RBFOX1: variants seen among roughly 807,000 people sequenced by gnomAD.
RBFOX1 encodes RNA binding fox-1 homolog 1, also known as RNA binding protein fox-1 homolog 1.
RBFOX1 carries 8 observed loss-of-function variants against 57.7 expected under a neutral mutation model. The observed-to-expected ratio is 0.14, with a 90% confidence interval of 0.08 to 0.25. The LOEUF (loss-of-function observed/expected upper bound fraction) is 0.25. Among genes scored for constraint, RBFOX1 ranks in the 10% least tolerant of loss-of-function variants. RBFOX1 has a pLI of 1.00. For synonymous variants in RBFOX1, 326 were observed against 222.4 expected (o/e 1.47, Z -4.15); for missense variants, 611 against 548.5 (o/e 1.11, Z -1.14).
At chr16:5,503,007 A>G (rs1251834209) in intron 2 of RBFOX1, among the ~76,000 whole-genome samples, 1 of 152,170 alleles carries the variant, frequency 6.6e-6, no homozygotes, top group Non-Finnish European at 1.5e-5. Flanking sequence ...CTCCTAAAAT[A>G]TTTCCTCTTT....
At chr16:7,134,566 A>G (rs150990578) in intron 4 of RBFOX1, among the ~76,000 whole-genome samples, 7 of 151,914 alleles carry the variant, frequency 4.6e-5, no homozygotes, top group Non-Finnish European at 8.8e-5. Context: ...TTGCTAGCCT[A>G]TTTTCTTAAT....
intron 3 of RBFOX1, among the ~76,000 whole-genome samples, chr16:7,018,945 C>A (rs1042044332): frequency 2.0e-5 from 3 of 151,938 alleles, no homozygotes; most frequent in African/African-American, 7.2e-5. Context: ...ACAGTGAGAC[C>A]TCGTCTCTAC....
chr16:6,399,304 A>G (rs1227588050), intron 2 of RBFOX1, among the ~76,000 whole-genome samples: 1 of 152,204 alleles, frequency 6.6e-6, no homozygotes, highest in Non-Finnish European at 1.5e-5. Context: ...TGCCCTGGAA[A>G]CATTTTCCCC....
chr16:6,151,198 G>A (rs891691877), intron 1 of RBFOX1, among the ~76,000 whole-genome samples: 1 of 152,064 alleles, frequency 6.6e-6, no homozygotes, highest in African/African-American at 2.4e-5. Context: ...TCTATTTGGG[G>A]TGTTCTCCCA....
chr16:7,213,917 A>C (rs931010456), intron 4 of RBFOX1, among the ~76,000 whole-genome samples: 2 of 148,722 alleles, frequency 1.3e-5, no homozygotes, highest in Non-Finnish European at 3.0e-5. Flanking sequence ...GGCATGCAGG[A>C]ACTCTGAAGT....
At chr16:6,679,639 C>G (rs2058312341) in intron 3 of RBFOX1, among the ~76,000 whole-genome samples, 1 of 152,110 alleles carries the variant, frequency 6.6e-6, no homozygotes, top group African/African-American at 2.4e-5. Context: ...TTGAGCATCT[C>G]CTTTGCTCAA....
At chr16:6,478,665 G>A (rs971576947) in intron 2 of RBFOX1, among the ~76,000 whole-genome samples, 2 of 151,602 alleles carry the variant, frequency 1.3e-5, no homozygotes, top group Admixed American at 6.6e-5. Context: ...AGAGGCTATT[G>A]TAAGGTTATT....
chr16:5,339,889 C>T (rs1257713447), intron 1 of RBFOX1, among the ~76,000 whole-genome samples: 4 of 152,052 alleles, frequency 2.6e-5, no homozygotes, highest in African/African-American at 9.7e-5. Context: ...AGGTTGGCTG[C>T]AGAGGTCATG....
At chr16:7,164,053 G>A (rs2078938185) in intron 4 of RBFOX1, among the ~76,000 whole-genome samples, 1 of 152,034 alleles carries the variant, frequency 6.6e-6, no homozygotes, top group African/African-American at 2.4e-5. Flanking sequence ...CTGAGATTTT[G>A]GTGCACTCTT....
At chr16:7,294,524 GA>G (rs35719031) in intron 4 of RBFOX1, among the ~76,000 whole-genome samples, 6,591 of 123,674 alleles carry the variant, frequency 0.053, 160 homozygotes, top group Middle Eastern at 0.1. Flanking sequence ...GTGTTGGCAA[GA>G]AAAAAAAAAA....
At chr16:5,478,069 G>A (rs1254631251) in intron 2 of RBFOX1, among the ~76,000 whole-genome samples, 1 of 152,156 alleles carries the variant, frequency 6.6e-6, no homozygotes, top group Non-Finnish European at 1.5e-5. Context: ...CTGAAATTCT[G>A]TGTTCCTCCA....
chr16:7,223,136 G>C (rs2092851086), intron 4 of RBFOX1, among the ~76,000 whole-genome samples: 1 of 152,190 alleles, frequency 6.6e-6, no homozygotes. Context: ...ACATCTACAA[G>C]GGTAGAAGGG....
In RBFOX1 at chr16:5,477,998, A is replaced by G. The variant is rs546994122; in HGVS notation, c.258+10744A>G. ...CCACCTCACTCCCCACTTCTAGGTA[A>G]CCCTTCCTTTTGTTTTGGCAGCTCA... On this transcript the variant is annotated intron_variant, in intron 2 of 2. Coordinates refer to the RBFOX1 transcript ENST00000585867. 1.1e-4 allele frequency among the ~76,000 whole-genome samples: 17 copies of G among 152,170 alleles called. No individual in the cohort carries two copies. The Middle Eastern group carries it at 0.01, about 91-fold the overall frequency.
At chr16:7,542,129 A>G (rs1351192092) in intron 5 of RBFOX1, among the ~76,000 whole-genome samples, 1 of 152,220 alleles carries the variant, frequency 6.6e-6, no homozygotes, top group Non-Finnish European at 1.5e-5. Flanking sequence ...GATGAATGCA[A>G]CAAGGGCTGG....
At chr16:5,380,424 A>C (rs1197587742) in intron 1 of RBFOX1, among the ~76,000 whole-genome samples, 1 of 152,240 alleles carries the variant, frequency 6.6e-6, no homozygotes, top group Non-Finnish European at 1.5e-5. Context: ...AAAGCAAGCA[A>C]GTTGGAAAAC....
chr16:6,834,042 C>G (rs915034070), intron 3 of RBFOX1, among the ~76,000 whole-genome samples: 24 of 148,640 alleles, frequency 1.6e-4, no homozygotes, highest in Middle Eastern at 3.4e-3. Context: ...GTTGGGGGTA[C>G]CTGATCCAAT....
intron 4 of RBFOX1, among the ~76,000 whole-genome samples, chr16:7,304,015 G>A (rs1234640777): frequency 6.6e-6 from 1 of 151,970 alleles, no homozygotes; most frequent in Non-Finnish European, 1.5e-5. Flanking sequence ...TCAAAAAGCA[G>A]GCCCAACAAC....
chr16:7,251,471 C>T (rs900263434), intron 4 of RBFOX1, among the ~76,000 whole-genome samples: 11 of 143,682 alleles, frequency 7.7e-5, no homozygotes, highest in Admixed American at 2.2e-4. Flanking sequence ...AGTGCAGTGG[C>T]GCGGTCTTGG....
chr16:6,808,809 C>A (rs36024431), intron 3 of RBFOX1, among the ~76,000 whole-genome samples: 1 of 151,980 alleles, frequency 6.6e-6, no homozygotes, highest in Non-Finnish European at 1.5e-5. Flanking sequence ...TCATAACATA[C>A]AATATCTCTA....
Sources: allele counts gnomAD v4.1 joint callset (sites outside exome capture counted in the v4.1 genomes callset), GRCh38; gene constraint gnomAD v4.1.1; transcripts MANE v1.5; gene names NCBI Gene and HGNC (gene_info 2026-07-23, HGNC 2026-07-21).